GLRA1: variants seen among roughly 807,000 people sequenced by gnomAD.
The protein encoded by GLRA1 is glycine receptor subunit alpha-1.
A neutral mutation model predicts 48.3 loss-of-function variants in GLRA1; 37 were observed. The ratio of observed to expected loss-of-function variants is 0.77; its 90% CI spans 0.59 to 1.01. GLRA1 has a LOEUF of 1.01. Among genes scored for constraint, GLRA1 ranks in the 50% least tolerant of loss-of-function variants. The pLI, the probability that GLRA1 is intolerant of heterozygous loss-of-function variation, is 0.00. For synonymous variants in GLRA1, 196 were observed against 210.7 expected (o/e 0.93, Z 0.60); for missense variants, 427 against 571.0 (o/e 0.75, Z 2.57).
intron 3 of GLRA1, among the ~76,000 whole-genome samples, chr5:151,882,322 G>T (rs1291129789): frequency 6.6e-6 from 1 of 152,172 alleles, no homozygotes; most frequent in African/African-American, 2.4e-5. Flanking sequence ...TCTGTAAACT[G>T]GAGATAAACT....
rs1752888204 is a variant in GLRA1, at chr5:151,850,900, A to C, written c.912+490T>G. ...TTGCAACTCAAAGGGTGGAATATAAAGGTCTTTTTTTAATTCAAAAAATTA... is the reference window on the plus strand; with the variant it reads ...TTGCAACTCAAAGGGTGGAATATAACGGTCTTTTTTTAATTCAAAAAATTA... On this transcript the variant is annotated intron_variant, in intron 7 of 8. Transcript: ENST00000274576. 9.0e-6 allele frequency: 5 copies of C among 555,966 alleles called. No homozygotes were observed. The East Asian group carries it at 1.3e-4, about 14-fold the overall frequency. The allele number at this position is 555,966 out of a possible 1,614,324, so 34.4% of individuals were successfully genotyped here. A position where few individuals can be genotyped will look rare whatever the true frequency, so the allele number is the denominator to read the frequency against.
chr5:151,850,440 T>C lies in GLRA1; in HGVS notation c.912+950A>G. ...GAAGTGTTCAGGCTGCCATACCAAC[T>C]TCAGCACCAAGGCCATGTGGGAGGA... On this transcript the variant is annotated intron_variant, in intron 7 of 8. Coordinates refer to ENST00000274576, the MANE Select transcript of GLRA1 (RefSeq NM_000171.4). 4.4e-6 allele frequency: 5 copies of C among 1,138,840 alleles called. No homozygotes were observed. In the South Asian group the frequency reaches 6.1e-5, roughly 14 times the overall value. 70.5% of individuals were successfully genotyped at this position (1,138,840 alleles called of 1,614,324 possible).
chr5:151,864,146 T>TGTGC, intron 3 of GLRA1, among the ~76,000 whole-genome samples: 1 of 151,824 alleles, frequency 6.6e-6, no homozygotes, highest in Admixed American at 6.6e-5. Context: ...TGCATGTGTG[T>TGTGC]GTGTGTGTGT....
At chr5:151,914,760 G>T (rs1025265921) in intron 1 of GLRA1, among the ~76,000 whole-genome samples, 2 of 152,192 alleles carry the variant, frequency 1.3e-5, no homozygotes, top group Non-Finnish European at 2.9e-5. Flanking sequence ...TAATGGGGGT[G>T]GGAGCTAGTG....
chr5:151,903,479 CAG>C (rs1448389058), intron 1 of GLRA1, among the ~76,000 whole-genome samples: 1 of 152,154 alleles, frequency 6.6e-6, no homozygotes, highest in African/African-American at 2.4e-5. Flanking sequence ...TCCTCTAAGA[CAG>C]AGTCAGAGCT....
intron 1 of GLRA1, among the ~76,000 whole-genome samples, chr5:151,920,243 G>A (rs1334299969): frequency 2.0e-5 from 3 of 152,194 alleles, no homozygotes; most frequent in African/African-American, 4.8e-5. Flanking sequence ...AGAGAATGTA[G>A]AAGTGTCAGA....
chr5:151,842,899 T>C (rs1374904153), intron 7 of GLRA1, among the ~76,000 whole-genome samples: 1 of 152,182 alleles, frequency 6.6e-6, no homozygotes, highest in Admixed American at 6.5e-5. Context: ...GGAAAGTTAT[T>C]GGATACAAGA....
rs1283062298 is a variant in GLRA1, at chr5:151,886,734, G to A, written c.239C>T (p.Ala80Val). The change falls in exon 3 of 9, where the codon GCT (alanine) becomes GTT (valine). Residue 80 changes from alanine to valine, a missense_variant. Physicochemically the swap from Ala to Val is moderately conservative, Grantham distance 64. Around this residue, in one of 4 missense-constraint regions of GLRA1, gnomAD observed 271 missense variants for 434.9 expected, o/e 0.62. Transcript: ENST00000274576. ...NIFINSFGSI[A>V]ETTMDYRVNI... ...TGACTTACTCACCATGGTTGTCTCA[G>A]CAATGGAACCAAAGCTGTTGATGAA... The A allele has an allele frequency of 6.2e-7, 1 of 1,611,028 alleles. No individual in the cohort carries two copies. The highest frequency in any genetic ancestry group is 1.3e-5 in the African/African-American group (1 of 74,950).
At chr5:151,883,073 T>C (rs367885693) in intron 3 of GLRA1, among the ~76,000 whole-genome samples, 51 of 152,308 alleles carry the variant, frequency 3.3e-4, no homozygotes, top group African/African-American at 1.2e-3. Flanking sequence ...TTATGAAATA[T>C]GCCTGCTTGG....
chr5:151,871,150 C>T (rs939448551), intron 3 of GLRA1, among the ~76,000 whole-genome samples: 1 of 149,502 alleles, frequency 6.7e-6, no homozygotes, highest in African/African-American at 2.6e-5. Flanking sequence ...TTTCTGAGGG[C>T]TTTCTCCTTG....
chr5:151,924,673 CAG>C lies in GLRA1; in HGVS notation c.-126_-125del, dbSNP rs1754978194. The C allele has an allele frequency of 1.3e-6, 1 of 765,448 alleles. No individual in the cohort carries two copies. Among genetic ancestry groups the C allele is most frequent in the Admixed American group, 1.7e-5 (1 of 57,278 alleles). 47.4% of individuals were successfully genotyped at this position (765,448 alleles called of 1,614,324 possible). A position where few individuals can be genotyped will look rare whatever the true frequency, so the allele number is the denominator to read the frequency against. ...CCAGATGTTAAAGGGAGGCGGGGAA[CAG>C]GGGCGCGGAGGGAGAGCCCCAGGGG... On this transcript the variant is annotated 5_prime_UTR_variant, in exon 1 of 9. Transcript: ENST00000274576.
chr5:151,842,025 C>G (rs2113318141), intron 7 of GLRA1, among the ~76,000 whole-genome samples: 1 of 149,092 alleles, frequency 6.7e-6, no homozygotes, highest in South Asian at 2.1e-4. Context: ...CCACTGCACT[C>G]CAGCCTGGAT....
chr5:151,842,977 C>T (rs1351848878), intron 7 of GLRA1, among the ~76,000 whole-genome samples: 1 of 152,106 alleles, frequency 6.6e-6, no homozygotes, highest in Non-Finnish European at 1.5e-5. Flanking sequence ...AACTTAAAAA[C>T]AATTCAATTT....
intron 3 of GLRA1, among the ~76,000 whole-genome samples, chr5:151,862,765 A>G (rs1420392863): frequency 6.6e-6 from 1 of 152,186 alleles, no homozygotes; most frequent in Non-Finnish European, 1.5e-5. Context: ...TGGAATTCTT[A>G]TATTTGTGCA....
At chr5:151,902,261 C>T (rs1249909307) in intron 1 of GLRA1, among the ~76,000 whole-genome samples, 1 of 151,980 alleles carries the variant, frequency 6.6e-6, no homozygotes, top group Non-Finnish European at 1.5e-5. Flanking sequence ...AGGTAGGAGG[C>T]CTGCTCAGTC....
At chr5:151,893,026 A>G (rs1214607296) in intron 1 of GLRA1, among the ~76,000 whole-genome samples, 1 of 152,222 alleles carries the variant, frequency 6.6e-6, no homozygotes, top group Non-Finnish European at 1.5e-5. Flanking sequence ...CTCAAGAAAC[A>G]TATACTTCAC....
At chr5:151,924,357 G>T in intron 1 of GLRA1, 137 bp downstream of exon 1, 2 of 717,098 alleles carry the variant, frequency 2.8e-6, no homozygotes, top group South Asian at 3.0e-5. Context: ...GAAGGGAGAC[G>T]GGGGATGGAA....
At chr5:151,901,951 G>T (rs1381147461) in intron 1 of GLRA1, among the ~76,000 whole-genome samples, 1 of 152,130 alleles carries the variant, frequency 6.6e-6, no homozygotes, top group African/African-American at 2.4e-5. Flanking sequence ...GAAGCCCATG[G>T]TATTAATCAC....
rs144551996 is a variant in GLRA1 at position 151,844,169 on chromosome 5, TA to T, written c.912+7220del. Reference sequence around the variant, plus strand: ...TGGGTGACAGAGTGAGACTATGTCTTAAAAAAAAAAAATGAAGTTGGACCTC... The same window carrying T: ...TGGGTGACAGAGTGAGACTATGTCTTAAAAAAAAAAATGAAGTTGGACCTC... On this transcript the variant is annotated intron_variant, in intron 7 of 8. Transcript: ENST00000274576. 3.4e-3 allele frequency among the ~76,000 whole-genome samples: 485 copies of T among 144,740 alleles called. 3 individuals carry two copies. Among genetic ancestry groups the T allele is most frequent in the Middle Eastern group, 0.015 (4 of 274 alleles). The allele number at this position is 144,740 out of a possible 152,430, so 95.0% of individuals were successfully genotyped here. A position where few individuals can be genotyped will look rare whatever the true frequency, so the allele number is the denominator to read the frequency against.
Sources: allele counts gnomAD v4.1 joint callset (sites outside exome capture counted in the v4.1 genomes callset), GRCh38; gene constraint gnomAD v4.1.1; regional missense constraint gnomAD v4.1.1; transcripts MANE v1.5; gene names NCBI Gene and HGNC (gene_info 2026-07-23, HGNC 2026-07-21).